The following JHY variants were observed in gnomAD, a reference collection of about 807,000 sequenced individuals.
JHY encodes the protein junctional cadherin complex regulator.
Under a neutral mutation model 78.0 loss-of-function variants are expected in JHY, and 69 were observed. That is an observed-to-expected ratio of 0.88 (90% CI 0.73 to 1.08). The LOEUF (loss-of-function observed/expected upper bound fraction) is 1.08, where lower values mean the gene tolerates loss of function less well. JHY is among the 50% of genes least tolerant of loss of function. The pLI is 0.00. For missense variants in JHY, 944 were observed against 927.8 expected (o/e 1.02, Z -0.23); for synonymous variants, 368 against 342.6 (o/e 1.07, Z -0.82).
intron 3 of JHY, 124 bp downstream of exon 3, chr11:122,904,568 A>C: frequency 9.1e-7 from 1 of 1,099,102 alleles, no homozygotes; most frequent in Non-Finnish European, 1.3e-6. Flanking sequence ...GCTGGGTAAA[A>C]CAAACGCTTC....
At chr11:122,943,539 C>T (rs1863912996) in intron 5 of JHY, among the ~76,000 whole-genome samples, 1 of 152,118 alleles carries the variant, frequency 6.6e-6, no homozygotes, top group Non-Finnish European at 1.5e-5. Flanking sequence ...GTTACTGAAA[C>T]TGGTGAGGTG....
rs1324856743 is a variant in JHY at position 122,961,420 on chromosome 11, G to A, written c.*1975G>A. Reference sequence around the variant, plus strand: ...CGGTTCACTGCAACTCCGCCTCCTGGATTCAAGCGATTCTCCTGTCTCAGC... The same window carrying A: ...CGGTTCACTGCAACTCCGCCTCCTGAATTCAAGCGATTCTCCTGTCTCAGC... On this transcript the variant is annotated 3_prime_UTR_variant, in exon 9 of 9. Transcript: ENST00000227349. 6.6e-6 allele frequency among the ~76,000 whole-genome samples: 1 copy of A among 152,128 alleles called. No individual in the cohort carries two copies. The highest frequency in any genetic ancestry group is 2.4e-5 in the African/African-American group (1 of 41,420).
Position 122,904,195 on chromosome 11 carries a change from T to A in JHY, c.615T>A (p.Arg205=), listed in dbSNP as rs1565312159. 2 of 1,614,162 alleles carry A rather than the reference T, an allele frequency of 1.2e-6. No homozygotes were observed. Among genetic ancestry groups the A allele is most frequent in the East Asian group, 4.5e-5 (2 of 44,876 alleles). The change falls in exon 3 of 9, where the codon CGT becomes CGA. Residue 205 remains arginine (R), a synonymous_variant. Coordinates refer to ENST00000227349, the MANE Select transcript of JHY (RefSeq NM_024806.4). ...GCCCAAACTATGAGCATGGTGCCCG[T>A]CGCAGCAAGCCGTTTTCAGAGCTGA... ...FLSPNYEHGA[R]RSKPFSELSD...
At chr11:122,897,937 A>T (rs537580631) in intron 2 of JHY, among the ~76,000 whole-genome samples, 1 of 152,350 alleles carries the variant, frequency 6.6e-6, no homozygotes, top group African/African-American at 2.4e-5. Context: ...TCATTCTTTC[A>T]TGAGTCTATC....
chr11:122,960,460 C>G lies in JHY; in HGVS notation c.*1015C>G, dbSNP rs1864288194. Reference sequence around the variant, plus strand: ...GGGAAGCCACTCCTTGCCCCTCTACCACCTCTTCCTTCCTTTTCCTATAGA... The same window carrying G: ...GGGAAGCCACTCCTTGCCCCTCTACGACCTCTTCCTTCCTTTTCCTATAGA... On this transcript the variant is annotated 3_prime_UTR_variant, in exon 9 of 9. Coordinates refer to ENST00000227349, the MANE Select transcript of JHY (RefSeq NM_024806.4). 1 of 237,802 alleles carries G rather than the reference C, an allele frequency of 4.2e-6. No individual in the cohort carries two copies. Among genetic ancestry groups the G allele is most frequent in the Non-Finnish European group, 8.8e-6 (1 of 113,020 alleles). The allele number at this position is 237,802 out of a possible 1,614,324, so 14.7% of individuals were successfully genotyped here.
chr11:122,904,017 C>G lies in JHY; in HGVS notation c.437C>G (p.Ala146Gly). Residue 146 changes from alanine to glycine, a missense_variant, in exon 3 of 9, where the codon GCG becomes GGG. Physicochemically the swap from Ala to Gly is moderately conservative, Grantham distance 60. Coordinates refer to ENST00000227349, the MANE Select transcript of JHY (RefSeq NM_024806.4). ...GAAGGGCAGCTGCTGTCTGTGGAAG[C>G]GTTGCCGGAGTCCACGGACAGCTCT... ...KEEGQLLSVE[A>G]LPESTDSSLE... 1.2e-6 allele frequency: 2 copies of G among 1,614,142 alleles called. No homozygotes were observed. Among genetic ancestry groups the G allele is most frequent in the African/African-American group, 1.3e-5 (1 of 75,040 alleles).
chr11:122,918,419 G>A (rs1863280562), intron 3 of JHY, among the ~76,000 whole-genome samples: 1 of 151,462 alleles, frequency 6.6e-6, no homozygotes, highest in South Asian at 2.1e-4. Context: ...AAGGATTGCT[G>A]AGGTGTTGGG....
intron 3 of JHY, among the ~76,000 whole-genome samples, chr11:122,919,855 C>T (rs1325135704): frequency 2.0e-5 from 3 of 152,110 alleles, no homozygotes; most frequent in Admixed American, 6.6e-5. Context: ...TCAGTGTCAC[C>T]CAATTCTCAC....
chr11:122,932,513 G>A (rs934110294), intron 4 of JHY, among the ~76,000 whole-genome samples: 2 of 152,158 alleles, frequency 1.3e-5, no homozygotes, highest in South Asian at 2.1e-4. Flanking sequence ...TGAAAATTAA[G>A]AGAGAAAACT....
chr11:122,901,294 G>A (rs1862853629), intron 2 of JHY, among the ~76,000 whole-genome samples: 1 of 152,200 alleles, frequency 6.6e-6, no homozygotes, highest in Admixed American at 6.5e-5. Flanking sequence ...CTCTGGGTGA[G>A]GCAGTGCGTG....
At position 122,960,769 on chromosome 11, in the gene JHY, T is replaced by TCCGGGCCC. The variant is rs1278581877; in HGVS notation, c.*1326_*1327insGGGCCCCC. On this transcript the variant is annotated 3_prime_UTR_variant, in exon 9 of 9. Coordinates refer to ENST00000227349, the MANE Select transcript of JHY (RefSeq NM_024806.4). ...GTGAAGCAGGCTTCCATCAAACAAA[T>TCCGGGCCC]CCAGGATGCAATTGATTTGGAGAAG... 1 of 491,564 alleles carries TCCGGGCCC rather than the reference T, an allele frequency of 2.0e-6. No homozygotes were observed. Among genetic ancestry groups the TCCGGGCCC allele is most frequent in the African/African-American group, 2.0e-5 (1 of 50,770 alleles). 30.5% of individuals were successfully genotyped at this position (491,564 alleles called of 1,614,324 possible).
intron 2 of JHY, among the ~76,000 whole-genome samples, chr11:122,888,976 G>T (rs946666044): frequency 1.3e-5 from 2 of 152,114 alleles, no homozygotes; most frequent in African/African-American, 4.8e-5. Context: ...ATGTCCTCGT[G>T]TGCCTCCTTG....
rs1864313392 is a variant in JHY at position 122,961,370 on chromosome 11, A to G, written c.*1925A>G. Among the ~76,000 whole-genome samples the G allele has an allele frequency of 6.7e-6, 1 of 149,904 alleles. No homozygotes were observed. Among genetic ancestry groups the G allele is most frequent in the African/African-American group, 2.5e-5 (1 of 40,454 alleles). ...TAGACAGACTCTCGCTCTGTCACCC[A>G]GGCTGGAGTGCAGTGGCACAATCTC... On this transcript the variant is annotated 3_prime_UTR_variant, in exon 9 of 9. Coordinates refer to ENST00000227349, the MANE Select transcript of JHY (RefSeq NM_024806.4).
chr11:122,957,121 C>CAGGTATT (rs1864209510), intron 7 of JHY, among the ~76,000 whole-genome samples: 1 of 152,134 alleles, frequency 6.6e-6, no homozygotes, highest in Non-Finnish European at 1.5e-5. Flanking sequence ...TGTGATTTAG[C>CAGGTATT]CCCTGTTAAG....
chr11:122,918,359 T>C (rs1010226730), intron 3 of JHY, among the ~76,000 whole-genome samples: 1 of 132,490 alleles, frequency 7.5e-6, no homozygotes, highest in African/African-American at 3.2e-5. Flanking sequence ...ATGATAAGTT[T>C]TATATTTTAA....
At chr11:122,907,351 AT>A (rs1163187501) in intron 3 of JHY, among the ~76,000 whole-genome samples, 4 of 151,994 alleles carry the variant, frequency 2.6e-5, no homozygotes, top group Non-Finnish European at 5.9e-5. Context: ...GTTTGTGCTC[AT>A]TTTTAATCTT....
intron 4 of JHY, among the ~76,000 whole-genome samples, chr11:122,931,296 C>T (rs1845763214): frequency 6.6e-6 from 1 of 152,144 alleles, no homozygotes; most frequent in Non-Finnish European, 1.5e-5. Context: ...TCTAAAATAA[C>T]TCTTAGCTTT....
chr11:122,939,349 A>C (rs1863824189), intron 5 of JHY, among the ~76,000 whole-genome samples: 2 of 151,880 alleles, frequency 1.3e-5, no homozygotes, highest in Non-Finnish European at 1.5e-5. Context: ...ATAGACTTTC[A>C]CCACCGCCAC....
At chr11:122,941,382 T>C (rs555880929) in intron 5 of JHY, among the ~76,000 whole-genome samples, 168 of 152,354 alleles carry the variant, frequency 1.1e-3, no homozygotes, top group African/African-American at 3.7e-3. Context: ...TCCATATTTG[T>C]ATCTCCTTTT....
Sources: allele counts gnomAD v4.1 joint callset (sites outside exome capture counted in the v4.1 genomes callset), GRCh38; gene constraint gnomAD v4.1.1; transcripts MANE v1.5; gene names NCBI Gene and HGNC (gene_info 2026-07-23, HGNC 2026-07-21).